GABBR2: variants seen among roughly 807,000 people sequenced by gnomAD.
GABBR2 encodes G-protein coupled receptor 51.
In GABBR2, 23 loss-of-function variants were observed where a neutral mutation model predicts 105.6. The observed-to-expected ratio is 0.22, with a 90% confidence interval of 0.16 to 0.31. The LOEUF is 0.31. Ranked by LOEUF, GABBR2 falls within the 10% of genes least tolerant of loss-of-function variation. The pLI, the probability that GABBR2 is intolerant of heterozygous loss-of-function variation, is 1.00. For synonymous variants in GABBR2, 478 were observed against 499.7 expected (o/e 0.96, Z 0.58); for missense variants, 734 against 1,245.5 (o/e 0.59, Z 6.18).
chr9:98,365,185 T>TA (rs1831654835), intron 12 of GABBR2, among the ~76,000 whole-genome samples: 1 of 152,216 alleles, frequency 6.6e-6, no homozygotes, highest in African/African-American at 2.4e-5. Flanking sequence ...TTAACTTTGC[T>TA]AGGACTCAGT....
At position 98,288,451 on chromosome 9, in the gene GABBR2, A is replaced by C. The variant is rs1830233895; in HGVS notation, c.*2133T>G. 6.6e-6 allele frequency: 1 copy of C among 152,666 alleles called. No homozygotes were observed. The highest frequency in any genetic ancestry group is 2.4e-5 in the African/African-American group (1 of 41,456). The allele number at this position is 152,666 out of a possible 1,614,324, so 9.5% of individuals were successfully genotyped here. On this transcript the variant is annotated 3_prime_UTR_variant, in exon 19 of 19. Coordinates refer to ENST00000259455, the MANE Select transcript of GABBR2 (RefSeq NM_005458.8). ...AGACAGCGCACGCTCAGGAGTCACA[A>C]AGGGTTACAGACGCACAGGCTCACC... is the stretch of plus-strand genomic sequence containing the variant.
intron 13 of GABBR2, among the ~76,000 whole-genome samples, chr9:98,324,935 C>T (rs1164579678): frequency 2.0e-5 from 3 of 152,130 alleles, no homozygotes; most frequent in African/African-American, 7.2e-5. Flanking sequence ...TTTGTACACA[C>T]ACATATACAC....
At chr9:98,352,550 AGGGT>A (rs1469142084) in intron 13 of GABBR2, among the ~76,000 whole-genome samples, 2 of 152,064 alleles carry the variant, frequency 1.3e-5, no homozygotes, top group Non-Finnish European at 2.9e-5. Context: ...GGCAGCAGGC[AGGGT>A]GGACCTGTCC....
intron 7 of GABBR2, among the ~76,000 whole-genome samples, chr9:98,412,542 A>C (rs1329379671): frequency 6.6e-6 from 1 of 152,148 alleles, no homozygotes; most frequent in Non-Finnish European, 1.5e-5. Flanking sequence ...AATACTCCAA[A>C]AGGAAGGCCT....
chr9:98,300,234 G>GA (rs1417454348), intron 16 of GABBR2, among the ~76,000 whole-genome samples: 1 of 152,060 alleles, frequency 6.6e-6, no homozygotes, highest in Admixed American at 6.5e-5. Context: ...CGCGAGCTCT[G>GA]AGCCTCACAC....
intron 7 of GABBR2, among the ~76,000 whole-genome samples, chr9:98,411,167 A>G (rs949659195): frequency 6.6e-6 from 1 of 152,196 alleles, no homozygotes; most frequent in African/African-American, 2.4e-5. Context: ...CCCCTGAAAG[A>G]GATGTTGCTA....
chr9:98,415,373 T>C (rs1439252407), intron 7 of GABBR2, among the ~76,000 whole-genome samples: 1 of 152,180 alleles, frequency 6.6e-6, no homozygotes, highest in Non-Finnish European at 1.5e-5. Flanking sequence ...AATAGATTAA[T>C]TTTTTTACTA....
At chr9:98,394,419 A>C (rs970354686) in intron 8 of GABBR2, among the ~76,000 whole-genome samples, 164 bp from the exon 9 acceptor site, 1 of 152,182 alleles carries the variant, frequency 6.6e-6, no homozygotes, top group Non-Finnish European at 1.5e-5. Flanking sequence ...TTCTAACCTG[A>C]TCTAGGCTGG....
chr9:98,406,543 A>G (rs1832493664), intron 7 of GABBR2, among the ~76,000 whole-genome samples: 1 of 152,244 alleles, frequency 6.6e-6, no homozygotes, highest in African/African-American at 2.4e-5. Flanking sequence ...CCACCCATAA[A>G]GATACGGGGT....
chr9:98,585,215 C>T (rs925147423), intron 1 of GABBR2, among the ~76,000 whole-genome samples: 2 of 152,032 alleles, frequency 1.3e-5, no homozygotes, highest in Admixed American at 1.3e-4. Flanking sequence ...GCACTATTCA[C>T]AATTAGCAAA....
chr9:98,317,691 G>A (rs965288851), intron 13 of GABBR2, among the ~76,000 whole-genome samples: 1 of 152,188 alleles, frequency 6.6e-6, no homozygotes, highest in Non-Finnish European at 1.5e-5. Flanking sequence ...TCGACTCCAT[G>A]AGGATTTGTC....
chr9:98,409,479 C>T (rs112317241), intron 7 of GABBR2, among the ~76,000 whole-genome samples: 265 of 152,292 alleles, frequency 1.7e-3, no homozygotes, highest in African/African-American at 5.9e-3. Flanking sequence ...AGCTAAGCAC[C>T]GAGCCCAGGG....
intron 1 of GABBR2, among the ~76,000 whole-genome samples, chr9:98,633,715 C>T (rs539362663): frequency 1.1e-4 from 16 of 152,016 alleles, no homozygotes; most frequent in African/African-American, 3.4e-4. Context: ...CAATGCAAGT[C>T]GGACCCCAAC....
At chr9:98,677,312 TGA>T (rs1830489384) in intron 1 of GABBR2, among the ~76,000 whole-genome samples, 1 of 152,204 alleles carries the variant, frequency 6.6e-6, no homozygotes, top group African/African-American at 2.4e-5. Context: ...GCTGAAGGCT[TGA>T]TCCAGACAGC....
Position 98,570,479 on chromosome 9 carries a change from A to G in GABBR2, c.459+7456T>C, listed in dbSNP as rs559162663. ...CTGAAGCTGCGATAATCTCACTCCCAAGCAGGAAGGAGTGTGGTCCTGGTC... is the reference window on the plus strand; with the variant it reads ...CTGAAGCTGCGATAATCTCACTCCCGAGCAGGAAGGAGTGTGGTCCTGGTC... On this transcript the variant is annotated intron_variant, in intron 2 of 18. Coordinates refer to ENST00000259455, the MANE Select transcript of GABBR2 (RefSeq NM_005458.8). Among the ~76,000 whole-genome samples, 4 of 152,276 alleles carry G rather than the reference A, an allele frequency of 2.6e-5. No individual in the cohort carries two copies. In the East Asian group the frequency reaches 7.7e-4, roughly 29 times the overall value.
At chr9:98,510,644 T>C (rs1214270430) in intron 3 of GABBR2, among the ~76,000 whole-genome samples, 2 of 149,374 alleles carry the variant, frequency 1.3e-5, no homozygotes, top group South Asian at 2.2e-4. Context: ...AAACAGACTG[T>C]AAACCAACAA....
intron 7 of GABBR2, among the ~76,000 whole-genome samples, chr9:98,445,532 C>T (rs571182217): frequency 8.5e-5 from 13 of 152,330 alleles, no homozygotes; most frequent in Admixed American, 4.6e-4. Flanking sequence ...TTGTTAACGA[C>T]GTGTTCTCGG....
intron 1 of GABBR2, among the ~76,000 whole-genome samples, chr9:98,583,208 T>A (rs1162993146): frequency 6.6e-6 from 1 of 152,218 alleles, no homozygotes; most frequent in African/African-American, 2.4e-5. Flanking sequence ...CACATGGATA[T>A]ATCTGTCCCA....
intron 1 of GABBR2, among the ~76,000 whole-genome samples, chr9:98,667,231 C>T (rs1830348362): frequency 6.6e-6 from 1 of 152,100 alleles, no homozygotes; most frequent in Non-Finnish European, 1.5e-5. Flanking sequence ...GTAGTTTGTC[C>T]CTCTAACTTC....
Sources: allele counts gnomAD v4.1 joint callset (sites outside exome capture counted in the v4.1 genomes callset), GRCh38; gene constraint gnomAD v4.1.1; transcripts MANE v1.5; gene names NCBI Gene and HGNC (gene_info 2026-07-23, HGNC 2026-07-21).